The following SYNE2 variants were observed in gnomAD, a reference collection of about 807,000 sequenced individuals.
SYNE2 encodes nesprin-2.
SYNE2 carries 431 observed loss-of-function variants against 856.3 expected under a neutral mutation model. The observed-to-expected ratio is 0.50, with a 90% CI of 0.47 to 0.55. The LOEUF is 0.55. Among genes scored for constraint, SYNE2 ranks in the 20% least tolerant of loss-of-function variants. SYNE2 has a pLI of 0.00. For synonymous variants in SYNE2, 2,923 were observed against 2,872.3 expected, an observed-to-expected ratio of 1.02 and a Z score of -0.56; for missense variants, 8,129 against 8,023.2, an observed-to-expected ratio of 1.01 and a Z score of -0.50.
intron 54 of SYNE2, among the ~76,000 whole-genome samples, chr14:64,077,776 A>G (rs2097479318): frequency 6.6e-6 from 1 of 152,212 alleles, no homozygotes; most frequent in South Asian, 2.1e-4. Context: ...AAAGTGATAC[A>G]TTCAACATTC....
intron 70 of SYNE2, among the ~76,000 whole-genome samples, chr14:64,124,510 C>CTT (rs2097922866): frequency 6.6e-6 from 1 of 151,866 alleles, no homozygotes; most frequent in Admixed American, 6.6e-5. Flanking sequence ...AGGCATAAGC[C>CTT]ACTAAGCCCA....
intron 1 of SYNE2, among the ~76,000 whole-genome samples, chr14:63,855,914 C>A (rs1477925936): frequency 6.6e-6 from 1 of 152,102 alleles, no homozygotes; most frequent in Non-Finnish European, 1.5e-5. Context: ...ATGGAATAAC[C>A]AAGGCCTCCT....
In SYNE2 at chr14:64,209,620, C is replaced by G. The variant is rs1046418761; in HGVS notation, c.18540+42C>G. The G allele has an allele frequency of 5.0e-6, 8 of 1,611,558 alleles. No homozygotes were observed. In the Admixed American group the frequency reaches 6.7e-5, roughly 13 times the overall value. The stretch of plus-strand genomic sequence containing the variant: ...TCCCGGTCTCCTGATCATAACCAAG[C>G]CTGCAGCGAGCCTGGGGGCTGCTGA... On this transcript the variant is annotated intron_variant, in intron 102 of 115. Coordinates refer to ENST00000555002, the MANE Select transcript of SYNE2 (RefSeq NM_182914.3).
intron 27 of SYNE2, among the ~76,000 whole-genome samples, chr14:63,999,939 A>C (rs1300575326): frequency 1.3e-5 from 2 of 152,294 alleles, no homozygotes; most frequent in East Asian, 3.9e-4. Context: ...CAATTAAGCA[A>C]CTGTCTTGAG....
chr14:63,939,351 T>TTC (rs2095873649), intron 2 of SYNE2, among the ~76,000 whole-genome samples: 1 of 148,900 alleles, frequency 6.7e-6, no homozygotes, highest in African/African-American at 2.5e-5. Flanking sequence ...TTTTTTCTTT[T>TTC]TTTTTTTTTT....
rs144143344 is a variant in SYNE2, at chr14:64,049,882, T to C, written c.7643+6T>C. On this transcript the variant is annotated splice_donor_region_variant and intron_variant, in intron 47 of 115. Coordinates refer to ENST00000555002, the MANE Select transcript of SYNE2 (RefSeq NM_182914.3). ...GACAAGGAAAGTCTTAAAGTGTAAG[T>C]GTAAGAATTTAGGACTTGCATTCTT... 280 of 1,613,634 alleles carry C rather than the reference T, an allele frequency of 1.7e-4. 1 individual carries two copies. In the African/African-American group the frequency reaches 3.3e-3, roughly 19 times the overall value.
rs1161425388 is a variant in SYNE2 at position 64,226,077 on chromosome 14, T to C, written c.*551T>C. Reference sequence around the variant, plus strand: ...TCTGTTCAGTACCTAGCTCTGCTCTTTTATATTGCTTTAAATTTTTAAAGA... The same window carrying C: ...TCTGTTCAGTACCTAGCTCTGCTCTCTTATATTGCTTTAAATTTTTAAAGA... On this transcript the variant is annotated 3_prime_UTR_variant, in exon 116 of 116. Transcript: ENST00000555002. 2 of 161,192 alleles carry C rather than the reference T, an allele frequency of 1.2e-5. No individual in the cohort carries two copies. Among genetic ancestry groups the C allele is most frequent in the African/African-American group, 4.8e-5 (2 of 41,636 alleles). The allele number at this position is 161,192 out of a possible 1,614,324, so 10.0% of individuals were successfully genotyped here. A position where few individuals can be genotyped will look rare whatever the true frequency, so the allele number is the denominator to read the frequency against.
intron 1 of SYNE2, among the ~76,000 whole-genome samples, chr14:63,818,097 G>A (rs1182970824): frequency 1.3e-5 from 2 of 149,720 alleles, no homozygotes; most frequent in African/African-American, 4.9e-5. Flanking sequence ...TGTGATCCCA[G>A]CACTTTGGGA....
chr14:63,949,570 G>T (rs957646668), intron 6 of SYNE2, among the ~76,000 whole-genome samples: 1 of 152,162 alleles, frequency 6.6e-6, no homozygotes. Flanking sequence ...GGATGAATTG[G>T]TGAGGGACAT....
chr14:64,152,859 A>G, intron 85 of SYNE2, 143 bp downstream of exon 85: 1 of 1,109,084 alleles, frequency 9.0e-7, no homozygotes, highest in South Asian at 1.4e-5. Context: ...GAAGTAAATT[A>G]GAAGCATTTC....
In SYNE2 at chr14:64,213,097, T is replaced by C. The variant is rs1294463930; in HGVS notation, c.19056+92T>C. The C allele has an allele frequency of 3.1e-5, 40 of 1,276,652 alleles. 1 individual carries two copies. Among genetic ancestry groups the C allele is most frequent in the South Asian group, 3.0e-4 (23 of 77,548 alleles). The allele number at this position is 1,276,652 out of a possible 1,614,324, so 79.1% of individuals were successfully genotyped here. The stretch of plus-strand genomic sequence containing the variant: ...AAGAATTAGGGGACCTGTCTTATAA[T>C]GGTTAATTATGGTTTATTTTTTGGT... On this transcript the variant is annotated intron_variant, in intron 105 of 115. Coordinates refer to ENST00000555002, the MANE Select transcript of SYNE2 (RefSeq NM_182914.3).
intron 45 of SYNE2, among the ~76,000 whole-genome samples, chr14:64,036,388 C>G (rs559069031): frequency 5.3e-5 from 8 of 152,234 alleles, no homozygotes; most frequent in African/African-American, 1.9e-4. Context: ...TGGACTCAAG[C>G]GATCCTCCCA....
chr14:64,122,382 C>T lies in SYNE2; in HGVS notation c.13377C>T (p.Leu4459=), dbSNP rs141379692. 1 of 1,614,208 alleles carries T rather than the reference C, an allele frequency of 6.2e-7. No individual in the cohort carries two copies. Among genetic ancestry groups the T allele is most frequent in the Non-Finnish European group, 8.5e-7 (1 of 1,180,036 alleles). The change falls in exon 70 of 116, where the codon CTC becomes CTT. Residue 4459 remains leucine, a synonymous_variant. Coordinates refer to ENST00000555002, the MANE Select transcript of SYNE2 (RefSeq NM_182914.3). ...GDKWQYLHHE[L]SSKIKLPLPQ... Reference sequence around the variant, plus strand: ...AGTGGCAATATCTGCATCATGAACTCTCATCAAAAATAAAGCTCCCACTCC... The same window carrying T: ...AGTGGCAATATCTGCATCATGAACTTTCATCAAAAATAAAGCTCCCACTCC...
chr14:64,213,093 A>G, intron 105 of SYNE2, 88 bp downstream of exon 105: 1 of 1,345,602 alleles, frequency 7.4e-7, no homozygotes, highest in Non-Finnish European at 1.0e-6. Flanking sequence ...GACCTGTCTT[A>G]TAATGGTTAA....
intron 1 of SYNE2, among the ~76,000 whole-genome samples, chr14:63,847,738 A>T (rs1246871732): frequency 6.6e-6 from 1 of 151,424 alleles, no homozygotes; most frequent in Non-Finnish European, 1.5e-5. Context: ...GGTGTGGGCC[A>T]CCACACCTGG....
At chr14:63,796,358 G>C (rs760110715) in intron 1 of SYNE2, among the ~76,000 whole-genome samples, 1 of 152,174 alleles carries the variant, frequency 6.6e-6, no homozygotes, top group Non-Finnish European at 1.5e-5. Flanking sequence ...TTGGGAGGCT[G>C]AGGCAGGAGA....
At position 64,167,322 on chromosome 14, in the gene SYNE2, G is replaced by A. The variant is rs961475845; in HGVS notation, c.16695G>A (p.Val5565=). 1.2e-6 allele frequency: 2 copies of A among 1,614,212 alleles called. No homozygotes were observed. Among genetic ancestry groups the A allele is most frequent in the Non-Finnish European group, 1.7e-6 (2 of 1,180,034 alleles). ...AGCTCCCACTTAGTGACGTAGCTGTGAAGACGTTACAAAATATGAACCGGC... is the reference window on the plus strand; with the variant it reads ...AGCTCCCACTTAGTGACGTAGCTGTAAAGACGTTACAAAATATGAACCGGC... ...SLKLPLSDVA[V]KTLQNMNRQW... The change falls in exon 91 of 116, where the codon GTG becomes GTA. Residue 5565 remains valine (V), a synonymous_variant. Coordinates refer to ENST00000555002, the MANE Select transcript of SYNE2 (RefSeq NM_182914.3).
intron 11 of SYNE2, among the ~76,000 whole-genome samples, chr14:63,968,365 G>A (rs544194674): frequency 2.6e-5 from 4 of 152,168 alleles, no homozygotes; most frequent in East Asian, 1.9e-4. Context: ...TAGAGAAAAC[G>A]CAAGCTTATC....
Position 64,145,867 on chromosome 14 carries a change from TATG to T in SYNE2, c.15484-198_15484-196del, listed in dbSNP as rs2098180877. On this transcript the variant is annotated intron_variant, in intron 83 of 115. Transcript: ENST00000555002. The stretch of plus-strand genomic sequence containing the variant: ...TCAGCAGATTAGCTTTCACCTTAAA[TATG>T]ATATTTTTTTCCTAAGAGGAGCTTT... Among the ~76,000 whole-genome samples the T allele has an allele frequency of 3.3e-5, 5 of 152,340 alleles. No individual in the cohort carries two copies. In the South Asian group the frequency reaches 6.2e-4, roughly 19 times the overall value.
Sources: gnomAD v4.1 joint callset for allele counts (sites outside exome capture counted in the v4.1 genomes callset) on GRCh38, gnomAD v4.1.1 for gene constraint, MANE v1.5 for transcripts, NCBI Gene and HGNC (gene_info 2026-07-23, HGNC 2026-07-21) for gene names.